Variants in ITGBL1 observed in about 807,000 individuals in gnomAD.
ITGBL1 encodes integrin subunit beta like 1.
ITGBL1 carries 51 observed loss-of-function variants against 68.5 expected under a neutral mutation model. That is an observed-to-expected ratio of 0.74 (90% CI 0.59 to 0.94). ITGBL1 has a LOEUF of 0.94. Among genes scored for constraint, ITGBL1 ranks in the 40% least tolerant of loss-of-function variants. The probability of loss-of-function intolerance (pLI) is 0.00; values close to 1 mark genes in which losing one functional copy is unlikely to be tolerated. For synonymous variants in ITGBL1, 209 were observed against 227.3 expected (o/e 0.92, Z 0.72); for missense variants, 649 against 647.4 (o/e 1.00, Z -0.03).
At chr13:101,526,735 G>A (rs1005913585) in intron 2 of ITGBL1, among the ~76,000 whole-genome samples, 2 of 147,218 alleles carry the variant, frequency 1.4e-5, no homozygotes, top group African/African-American at 5.2e-5. Flanking sequence ...TTAAACACTA[G>A]TTAGCATTTT....
chr13:101,540,727 C>T (rs2049681638), intron 2 of ITGBL1, among the ~76,000 whole-genome samples: 1 of 152,050 alleles, frequency 6.6e-6, no homozygotes, highest in African/African-American at 2.4e-5. Context: ...TCTTTTATTT[C>T]ATTGAGCAGT....
At chr13:101,519,005 G>C (rs2049239983) in intron 2 of ITGBL1, among the ~76,000 whole-genome samples, 1 of 152,096 alleles carries the variant, frequency 6.6e-6, no homozygotes, top group South Asian at 2.1e-4. Context: ...AGTAATTGTT[G>C]TAAAGACAGA....
downstream of ITGBL1, chr13:101,720,331 T>C (rs1465048420): frequency 1.3e-5 from 2 of 152,088 alleles, no homozygotes; most frequent in Non-Finnish European, 2.9e-5. Flanking sequence ...GAAGAAAGTA[T>C]TTGACATCCT....
intron 7 of ITGBL1, among the ~76,000 whole-genome samples, chr13:101,615,923 T>C (rs1260945619): frequency 6.6e-6 from 1 of 152,196 alleles, no homozygotes; most frequent in Admixed American, 6.5e-5. Context: ...CGCTAGACAC[T>C]GCATCTTCCG....
chr13:101,504,981 C>T (rs1046848496), intron 2 of ITGBL1, among the ~76,000 whole-genome samples: 7 of 152,172 alleles, frequency 4.6e-5, no homozygotes, highest in Non-Finnish European at 1.0e-4. Flanking sequence ...CAAAATAGAA[C>T]ATTCAGCAGG....
intron 7 of ITGBL1, among the ~76,000 whole-genome samples, chr13:101,660,174 G>A (rs375663409): frequency 3.9e-5 from 6 of 152,138 alleles, no homozygotes; most frequent in African/African-American, 7.2e-5. Context: ...AGTTGAGGCC[G>A]GCCACACCAC....
At chr13:101,483,141 A>G (rs1303041595) in intron 2 of ITGBL1, among the ~76,000 whole-genome samples, 1 of 152,180 alleles carries the variant, frequency 6.6e-6, no homozygotes, top group Non-Finnish European at 1.5e-5. Context: ...ATGGTGGCTA[A>G]TGACAACAGT....
At position 101,715,328 on chromosome 13, in the gene ITGBL1, ATGG is replaced by A. The variant is rs1396602541; in HGVS notation, c.1394-232_1394-230del. 2.5e-5 allele frequency: 12 copies of A among 488,078 alleles called. No homozygotes were observed. In the East Asian group the frequency reaches 3.5e-4, roughly 14 times the overall value. The allele number at this position is 488,078 out of a possible 1,614,324, so 30.2% of individuals were successfully genotyped here. On this transcript the variant is annotated intron_variant, in intron 10 of 10. Transcript: ENST00000376180. ...AAAAGCCTAGCTGGAGTGATACAGG[ATGG>A]TGACTATCTGATCGGTAAAGGGTGG...
chr13:101,454,818 T>C (rs1309604344), intron 2 of ITGBL1, among the ~76,000 whole-genome samples: 1 of 152,164 alleles, frequency 6.6e-6, no homozygotes. Flanking sequence ...CGGGCACATA[T>C]TTACTTAGAA....
chr13:101,547,693 ATAAC>A (rs774394470), intron 2 of ITGBL1, among the ~76,000 whole-genome samples: 7 of 151,950 alleles, frequency 4.6e-5, no homozygotes, highest in Admixed American at 3.3e-4. Context: ...ACATTTTTAA[ATAAC>A]TAAAATATTG....
intron 2 of ITGBL1, among the ~76,000 whole-genome samples, chr13:101,479,274 G>A (rs181296332): frequency 6.6e-6 from 1 of 152,134 alleles, no homozygotes; most frequent in East Asian, 1.9e-4. Flanking sequence ...AATAAAACTA[G>A]ACCCTTATCT....
At chr13:101,511,554 G>C (rs933793443) in intron 2 of ITGBL1, among the ~76,000 whole-genome samples, 1 of 152,088 alleles carries the variant, frequency 6.6e-6, no homozygotes, top group Non-Finnish European at 1.5e-5. Context: ...ACTGGGTGGG[G>C]TTGACCTAAT....
chr13:101,692,305 T>C (rs555788009), intron 7 of ITGBL1, among the ~76,000 whole-genome samples: 2 of 152,308 alleles, frequency 1.3e-5, no homozygotes, highest in South Asian at 4.1e-4. Context: ...AGTTTTATAA[T>C]GGATTTATTC....
intron 2 of ITGBL1, among the ~76,000 whole-genome samples, chr13:101,499,820 A>C (rs1380333246): frequency 6.6e-6 from 1 of 152,236 alleles, no homozygotes; most frequent in Non-Finnish European, 1.5e-5. Flanking sequence ...AGAAACAAGA[A>C]ATAAGAGATG....
At chr13:101,637,002 A>G (rs2032191059) in intron 7 of ITGBL1, among the ~76,000 whole-genome samples, 1 of 152,168 alleles carries the variant, frequency 6.6e-6, no homozygotes, top group Non-Finnish European at 1.5e-5. Context: ...CTGGGGCTGA[A>G]GTTTAAAATT....
chr13:101,569,543 C>T (rs758009257), intron 3 of ITGBL1, among the ~76,000 whole-genome samples: 7 of 152,098 alleles, frequency 4.6e-5, no homozygotes, highest in Admixed American at 6.6e-5. Context: ...ATAGCGTTTT[C>T]CTCTCCTTAC....
rs1330312261 is a variant in ITGBL1, at chr13:101,555,681, G to GTT, written c.317-12015_317-12014dup. 3.1e-4 allele frequency among the ~76,000 whole-genome samples: 18 copies of GTT among 58,582 alleles called. 1 individual carries two copies. In the South Asian group the frequency reaches 9.9e-3, roughly 32 times the overall value. The allele number at this position is 58,582 out of a possible 152,430, so 38.4% of individuals were successfully genotyped here. A position where few individuals can be genotyped will look rare whatever the true frequency, so the allele number is the denominator to read the frequency against. On this transcript the variant is annotated intron_variant, in intron 2 of 10. Coordinates refer to ENST00000376180, the MANE Select transcript of ITGBL1 (RefSeq NM_004791.3). Reference sequence around the variant, plus strand: ...TGTATATATATGCATGTATTTAAGTGTTTTGTGTGTGTGTGTATGTTTTAT... The same window carrying GTT: ...TGTATATATATGCATGTATTTAAGTGTTTTTTGTGTGTGTGTGTATGTTTTAT...
chr13:101,555,305 C>T (rs1204087637), intron 2 of ITGBL1, among the ~76,000 whole-genome samples: 2 of 151,940 alleles, frequency 1.3e-5, no homozygotes, highest in African/African-American at 4.8e-5. Flanking sequence ...ATGTTGTGCA[C>T]ATAAAATGTA....
intron 2 of ITGBL1, among the ~76,000 whole-genome samples, chr13:101,539,134 G>A (rs1408318635): frequency 5.7e-5 from 8 of 139,518 alleles, no homozygotes; most frequent in Non-Finnish European, 1.2e-4. Flanking sequence ...CATCTGCTGT[G>A]TTGGTGTGCT....
Sources: gnomAD v4.1 joint callset for allele counts (sites outside exome capture counted in the v4.1 genomes callset) on GRCh38, gnomAD v4.1.1 for gene constraint, MANE v1.5 for transcripts, NCBI Gene and HGNC (gene_info 2026-07-23, HGNC 2026-07-21) for gene names.